RASGEF1C: variants seen among roughly 807,000 people sequenced by gnomAD.
The protein encoded by RASGEF1C is RasGEF domain family member 1C.
Under a neutral mutation model 58.1 loss-of-function variants are expected in RASGEF1C, and 27 were observed. The observed-to-expected ratio is 0.46, with a 90% confidence interval of 0.34 to 0.64. The LOEUF (loss-of-function observed/expected upper bound fraction) is 0.64, where lower values mean the gene tolerates loss of function less well. Among genes scored for constraint, RASGEF1C ranks in the 30% least tolerant of loss-of-function variants. The pLI is 0.01. For synonymous variants in RASGEF1C, 243 were observed against 246.3 expected, an observed-to-expected ratio of 0.99 and a Z score of 0.13; for missense variants, 502 against 605.1, an observed-to-expected ratio of 0.83 and a Z score of 1.79.
At chr5:180,122,166 T>A (rs559284421) in intron 6 of RASGEF1C, among the ~76,000 whole-genome samples, 54 of 152,308 alleles carry the variant, frequency 3.5e-4, no homozygotes, top group African/African-American at 1.3e-3. Flanking sequence ...AAAAGCCTTG[T>A]GATGAGAGTC....
Position 180,121,463 on chromosome 5 carries a change from G to A in RASGEF1C, c.715-314C>T, listed in dbSNP as rs565447436. Among the ~76,000 whole-genome samples, 18 of 152,146 alleles carry A rather than the reference G, an allele frequency of 1.2e-4. No homozygotes were observed. The Middle Eastern group carries it at 0.01, about 86-fold the overall frequency. Reference sequence around the variant, plus strand: ...CGAGTAGGTGGGACTACAGGCGCCCGCCACCACGCCCAGAGAATTTTTTGT... The same window carrying A: ...CGAGTAGGTGGGACTACAGGCGCCCACCACCACGCCCAGAGAATTTTTTGT... On this transcript the variant is annotated intron_variant, in intron 6 of 13. Coordinates refer to ENST00000361132, the MANE Select transcript of RASGEF1C (RefSeq NM_175062.4).
chr5:180,108,666 TCTTC>T (rs1182299350), intron 12 of RASGEF1C, among the ~76,000 whole-genome samples: 6 of 152,210 alleles, frequency 3.9e-5, no homozygotes, highest in African/African-American at 1.4e-4. Context: ...TCCCATTGGC[TCTTC>T]CTTATTATAT....
At chr5:180,136,330 T>C (rs780624213) in intron 4 of RASGEF1C, 48 bp downstream of exon 4, 1 of 1,526,686 alleles carries the variant, frequency 6.6e-7, no homozygotes, top group South Asian at 1.2e-5. Flanking sequence ...GGCGCAGGCC[T>C]GGGACGGGAG....
chr5:180,136,719 T>G lies in RASGEF1C; in HGVS notation c.301-204A>C, dbSNP rs545550134. 82 of 590,134 alleles carry G rather than the reference T, an allele frequency of 1.4e-4. 1 individual carries two copies. The South Asian group carries it at 1.7e-3, about 12-fold the overall frequency. The allele number at this position is 590,134 out of a possible 1,614,324, so 36.6% of individuals were successfully genotyped here. The stretch of plus-strand genomic sequence containing the variant: ...GGACACATTTCTGGGCAGGGCCATC[T>G]CTTGCTCTGGCCTTTCTGCGGTTGA... On this transcript the variant is annotated intron_variant, in intron 3 of 13. Transcript: ENST00000361132.
intron 1 of RASGEF1C, among the ~76,000 whole-genome samples, chr5:180,148,112 G>A (rs1766687093): frequency 6.6e-6 from 1 of 152,046 alleles, no homozygotes; most frequent in African/African-American, 2.4e-5. Flanking sequence ...CTTTGTCTCT[G>A]GTAATCCTTT....
At chr5:180,208,624 A>T (rs778126901) in intron 1 of RASGEF1C, among the ~76,000 whole-genome samples, 1 of 152,130 alleles carries the variant, frequency 6.6e-6, no homozygotes, top group Non-Finnish European at 1.5e-5. Flanking sequence ...TCCCTTCTGC[A>T]CGTGCACCGG....
At chr5:180,189,270 G>A (rs577402435) in intron 1 of RASGEF1C, among the ~76,000 whole-genome samples, 24 of 152,306 alleles carry the variant, frequency 1.6e-4, no homozygotes, top group East Asian at 1.2e-3. Flanking sequence ...TGCAAAATAC[G>A]GCTGAGAGAA....
intron 1 of RASGEF1C, among the ~76,000 whole-genome samples, chr5:180,202,707 T>C (rs1756414775): frequency 7.3e-6 from 1 of 136,932 alleles, no homozygotes; most frequent in African/African-American, 2.7e-5. Context: ...CAAGTCTTTC[T>C]TTTTTTTTTT....
intron 6 of RASGEF1C, among the ~76,000 whole-genome samples, chr5:180,127,255 G>C (rs1222691437): frequency 6.6e-6 from 1 of 152,150 alleles, no homozygotes; most frequent in Non-Finnish European, 1.5e-5. Context: ...GCACCGGGAA[G>C]GCGCACGGGG....
chr5:180,144,358 G>GA lies in RASGEF1C; in HGVS notation c.-6-6301_-6-6300insT, dbSNP rs547199304. 2.5e-3 allele frequency among the ~76,000 whole-genome samples: 384 copies of GA among 152,280 alleles called. 1 individual carries two copies. Among genetic ancestry groups the GA allele is most frequent in the African/African-American group, 8.5e-3 (355 of 41,538 alleles). Reference sequence around the variant, plus strand: ...CCTCAAAGGCTGTGGTGGGTCCACGGCCCCAAATCAGAGCCCTTTCTGCCC... The same window carrying GA: ...CCTCAAAGGCTGTGGTGGGTCCACGGACCCCAAATCAGAGCCCTTTCTGCCC... On this transcript the variant is annotated intron_variant, in intron 1 of 13. Coordinates refer to ENST00000361132, the MANE Select transcript of RASGEF1C (RefSeq NM_175062.4).
At chr5:180,122,456 G>T (rs1271218659) in intron 6 of RASGEF1C, among the ~76,000 whole-genome samples, 4 of 152,130 alleles carry the variant, frequency 2.6e-5, no homozygotes, top group African/African-American at 9.7e-5. Context: ...AACTGCCAGG[G>T]TAGGCCAAGC....
chr5:180,144,250 T>TG (rs2113285148), intron 1 of RASGEF1C, among the ~76,000 whole-genome samples: 1 of 152,284 alleles, frequency 6.6e-6, no homozygotes, highest in African/African-American at 2.4e-5. Context: ...TGGCTGCAGC[T>TG]GGGGCGACCC....
rs1766517329 is a variant in RASGEF1C at position 180,138,069 on chromosome 5, A to T, written c.-6-11T>A. The T allele has an allele frequency of 6.8e-7, 1 of 1,468,734 alleles. No homozygotes were observed. The highest frequency in any genetic ancestry group is 1.4e-5 in the South Asian group (1 of 71,212). 91.0% of individuals were successfully genotyped at this position (1,468,734 alleles called of 1,614,324 possible). On this transcript the variant is annotated splice_polypyrimidine_tract_variant and intron_variant, in intron 1 of 13. Coordinates refer to ENST00000361132, the MANE Select transcript of RASGEF1C (RefSeq NM_175062.4). ...CTGTGGCATGTCTGCCTGCAATGGC[A>T]AGGAGCAGTGAGGACCTGAGTGGGG...
chr5:180,104,387 C>T (rs1375241320), intron 12 of RASGEF1C, among the ~76,000 whole-genome samples: 1 of 152,164 alleles, frequency 6.6e-6, no homozygotes, highest in African/African-American at 2.4e-5. Context: ...AGCATTTGCC[C>T]CTTCTGCCAT....
At chr5:180,195,897 A>C in intron 1 of RASGEF1C, among the ~76,000 whole-genome samples, 1 of 152,222 alleles carries the variant, frequency 6.6e-6, no homozygotes. Flanking sequence ...CCAGGTCCCC[A>C]CTATCTGGAA....
At chr5:180,189,377 T>C (rs1756104181) in intron 1 of RASGEF1C, among the ~76,000 whole-genome samples, 1 of 152,212 alleles carries the variant, frequency 6.6e-6, no homozygotes, top group South Asian at 2.1e-4. Flanking sequence ...AATTGATGAT[T>C]CTAAAATTTA....
Position 180,139,352 on chromosome 5 carries a change from C to T in RASGEF1C, c.-6-1294G>A, listed in dbSNP as rs190354988. Among the ~76,000 whole-genome samples the T allele has an allele frequency of 2.3e-3, 355 of 152,322 alleles. 3 individuals are homozygous for T. The highest frequency in any genetic ancestry group is 8.0e-3 in the African/African-American group (333 of 41,554). On this transcript the variant is annotated intron_variant, in intron 1 of 13. Coordinates refer to ENST00000361132, the MANE Select transcript of RASGEF1C (RefSeq NM_175062.4). ...GACTCTGAGGCTCCCCTGCTCATGC[C>T]GTCCTTGCTGCCCCGATGGCAAACC...
chr5:180,119,334 C>T lies in RASGEF1C; in HGVS notation c.907+12G>A, dbSNP rs756979750. 15 of 1,605,848 alleles carry T rather than the reference C, an allele frequency of 9.3e-6. No homozygotes were observed. Among genetic ancestry groups the T allele is most frequent in the East Asian group, 2.2e-5 (1 of 44,850 alleles). On this transcript the variant is annotated intron_variant, in intron 8 of 13. Coordinates refer to ENST00000361132, the MANE Select transcript of RASGEF1C (RefSeq NM_175062.4). The stretch of plus-strand genomic sequence containing the variant: ...GTGCACTGGGGGCCACAGGCCAGGC[C>T]GGCCCACTCACAGATGATGGCCATG...
At position 180,103,359 on chromosome 5, in the gene RASGEF1C, G is replaced by GAGCC. The variant is rs760992211; in HGVS notation, c.1304-1220_1304-1217dup. Among the ~76,000 whole-genome samples, 26 of 152,334 alleles carry GAGCC rather than the reference G, an allele frequency of 1.7e-4. No individual in the cohort carries two copies. The East Asian group carries it at 1.9e-3, about 11-fold the overall frequency. On this transcript the variant is annotated intron_variant, in intron 12 of 13. Coordinates refer to ENST00000361132, the MANE Select transcript of RASGEF1C (RefSeq NM_175062.4). ...CCCAGAGTGCTGAGATTACAGGCGT[G>GAGCC]AGCCACCGCACCCGGCACATCAGCA...
Sources: allele counts gnomAD v4.1 joint callset (sites outside exome capture counted in the v4.1 genomes callset), GRCh38; gene constraint gnomAD v4.1.1; transcripts MANE v1.5; gene names NCBI Gene and HGNC (gene_info 2026-07-23, HGNC 2026-07-21).